SAMD4A: variants seen among roughly 807,000 people sequenced by gnomAD.
SAMD4A encodes protein Smaug homolog 1.
A neutral mutation model predicts 81.3 loss-of-function variants in SAMD4A; 33 were observed. That is an observed-to-expected ratio of 0.41 (90% CI 0.31 to 0.54). SAMD4A has a LOEUF of 0.54. Ranked by LOEUF, SAMD4A falls within the 20% of genes least tolerant of loss-of-function variation. The pLI, the probability that SAMD4A is intolerant of heterozygous loss-of-function variation, is 0.37. For synonymous variants in SAMD4A, 389 were observed against 382.1 expected, an observed-to-expected ratio of 1.02 and a Z score of -0.21; for missense variants, 854 against 951.1, an observed-to-expected ratio of 0.90 and a Z score of 1.34.
At chr14:54,754,918 G>C in intron 6 of SAMD4A, 1 of 874,076 alleles carries the variant, frequency 1.1e-6, no homozygotes, top group Non-Finnish European at 1.4e-6. Context: ...CATGGTTCCT[G>C]CAATGGGGAG....
At chr14:54,730,290 G>C (rs1044427666) in intron 3 of SAMD4A, among the ~76,000 whole-genome samples, 1 of 152,216 alleles carries the variant, frequency 6.6e-6, no homozygotes, top group African/African-American at 2.4e-5. Flanking sequence ...ATGGGGGAAA[G>C]AGGAAGTTAG....
intron 2 of SAMD4A, among the ~76,000 whole-genome samples, chr14:54,626,378 T>C (rs1001739447): frequency 6.6e-6 from 1 of 152,098 alleles, no homozygotes; most frequent in African/African-American, 2.4e-5. Context: ...GAACATGGAG[T>C]AAGAAGCTAA....
At chr14:54,685,332 C>T (rs890213370) in intron 2 of SAMD4A, among the ~76,000 whole-genome samples, 2 of 150,502 alleles carry the variant, frequency 1.3e-5, no homozygotes, top group South Asian at 4.3e-4. Flanking sequence ...CAAGAGACCT[C>T]ATACAAGTGG....
At chr14:54,574,142 C>T (rs1021834578) in intron 2 of SAMD4A, among the ~76,000 whole-genome samples, 2 of 152,184 alleles carry the variant, frequency 1.3e-5, no homozygotes, top group African/African-American at 4.8e-5. Flanking sequence ...GAGCCCAGGG[C>T]CCTGTCAAAA....
intron 2 of SAMD4A, among the ~76,000 whole-genome samples, chr14:54,606,130 T>C (rs1266149409): frequency 6.6e-6 from 1 of 152,062 alleles, no homozygotes; most frequent in Non-Finnish European, 1.5e-5. Flanking sequence ...ATATGAAGCA[T>C]GTCATTTCTG....
intron 2 of SAMD4A, among the ~76,000 whole-genome samples, chr14:54,591,414 C>T (rs2033771229): frequency 6.6e-6 from 1 of 152,170 alleles, no homozygotes; most frequent in African/African-American, 2.4e-5. Context: ...CTTTCAAATG[C>T]CTGCCAGGCA....
At chr14:54,727,528 CACA>C (rs1444589511) in intron 3 of SAMD4A, among the ~76,000 whole-genome samples, 7 of 152,106 alleles carry the variant, frequency 4.6e-5, no homozygotes, top group African/African-American at 1.7e-4. Context: ...CAACAGAAAG[CACA>C]ACAATGTGAA....
intron 4 of SAMD4A, among the ~76,000 whole-genome samples, chr14:54,741,209 T>G (rs1428337958): frequency 6.6e-6 from 1 of 152,232 alleles, no homozygotes; most frequent in African/African-American, 2.4e-5. Context: ...TGGAATGTGC[T>G]CTGTTGCCTC....
chr14:54,711,723 C>G (rs2036993679), intron 3 of SAMD4A, among the ~76,000 whole-genome samples: 1 of 151,968 alleles, frequency 6.6e-6, no homozygotes, highest in Non-Finnish European at 1.5e-5. Flanking sequence ...GAAGTCCTTG[C>G]ATTTATGGAA....
chr14:54,744,908 G>A (rs2037930187), intron 4 of SAMD4A, among the ~76,000 whole-genome samples: 1 of 152,114 alleles, frequency 6.6e-6, no homozygotes. Flanking sequence ...ATCTCAAATG[G>A]AGTTTACCCT....
chr14:54,744,661 C>T (rs775917059), intron 4 of SAMD4A, among the ~76,000 whole-genome samples: 1 of 152,134 alleles, frequency 6.6e-6, no homozygotes, highest in Non-Finnish European at 1.5e-5. Context: ...TCCCAGAAAC[C>T]TCCTACCTGT....
intron 2 of SAMD4A, among the ~76,000 whole-genome samples, chr14:54,582,453 A>G (rs901551295): frequency 6.6e-6 from 1 of 152,124 alleles, no homozygotes; most frequent in Non-Finnish European, 1.5e-5. Flanking sequence ...TGCCTCAAAG[A>G]CAAAGAAGAA....
chr14:54,578,485 C>T (rs531231762), intron 2 of SAMD4A, among the ~76,000 whole-genome samples: 7 of 151,686 alleles, frequency 4.6e-5, no homozygotes, highest in Admixed American at 4.6e-4. Flanking sequence ...CTGAAGCGGG[C>T]GGATCACTTG....
chr14:54,690,391 G>T (rs1465879472), intron 2 of SAMD4A, among the ~76,000 whole-genome samples: 1 of 152,020 alleles, frequency 6.6e-6, no homozygotes, highest in Non-Finnish European at 1.5e-5. Context: ...ACAGCCAGAG[G>T]TTAAGTCTCC....
At chr14:54,659,904 C>T (rs9806117) in intron 2 of SAMD4A, among the ~76,000 whole-genome samples, 144,035 of 152,182 alleles carry the variant, frequency 0.95, 68,177 homozygotes, top group East Asian at 1. Context: ...TGCTGGGTGG[C>T]GAGGGAGAAG....
At chr14:54,786,683 C>T (rs191772226) in intron 12 of SAMD4A, among the ~76,000 whole-genome samples, 119 of 152,328 alleles carry the variant, frequency 7.8e-4, no homozygotes, top group Non-Finnish European at 6.3e-4. Context: ...TGATACATCT[C>T]AGACAATTGG....
At chr14:54,651,332 G>A (rs893689158) in intron 2 of SAMD4A, among the ~76,000 whole-genome samples, 4 of 152,174 alleles carry the variant, frequency 2.6e-5, no homozygotes, top group African/African-American at 9.7e-5. Context: ...AAGTAAAGAC[G>A]AGGTGATGTG....
chr14:54,620,190 C>T lies in SAMD4A; in HGVS notation c.196+52078C>T, dbSNP rs1045786400. ...AACAGAAGGCTTGGGAATTTAACTA[C>T]CTTGCCCCAGGTCTCACAGTTAGCA... On this transcript the variant is annotated intron_variant, in intron 2 of 12. Transcript: ENST00000554335. 5.9e-5 allele frequency among the ~76,000 whole-genome samples: 9 copies of T among 152,124 alleles called. No homozygotes were observed. The East Asian group carries it at 1.7e-3, about 29-fold the overall frequency.
chr14:54,760,104 G>C, intron 6 of SAMD4A, 57 bp from the exon 7 acceptor site: 4 of 1,554,882 alleles, frequency 2.6e-6, no homozygotes, highest in East Asian at 4.8e-5. Flanking sequence ...GCAGGTACGG[G>C]GGTGGATGAC....
Sources: allele counts gnomAD v4.1 joint callset (sites outside exome capture counted in the v4.1 genomes callset), GRCh38; gene constraint gnomAD v4.1.1; transcripts MANE v1.5; gene names NCBI Gene and HGNC (gene_info 2026-07-23, HGNC 2026-07-21).